ITPR2: variants seen among roughly 807,000 people sequenced by gnomAD.
ITPR2 encodes inositol 1,4,5-trisphosphate-gated calcium channel ITPR2.
Under a neutral mutation model 317.1 loss-of-function variants are expected in ITPR2, and 207 were observed. The ratio of observed to expected loss-of-function variants is 0.65; its 90% CI spans 0.58 to 0.73. ITPR2 has a LOEUF of 0.73. Ranked by LOEUF, ITPR2 falls within the 30% of genes least tolerant of loss-of-function variation. ITPR2 has a pLI of 0.00. For missense variants in ITPR2, 2,613 were observed against 3,284.0 expected, an observed-to-expected ratio of 0.80 and a Z score of 4.99; for synonymous variants, 1,156 against 1,149.1, an observed-to-expected ratio of 1.01 and a Z score of -0.12.
chr12:26,464,780 C>T (rs958937253), intron 45 of ITPR2, among the ~76,000 whole-genome samples: 1 of 152,152 alleles, frequency 6.6e-6, no homozygotes, highest in Non-Finnish European at 1.5e-5. Flanking sequence ...ATGATCACAG[C>T]AGGCGTGGTG....
chr12:26,793,952 A>C (rs531837842), intron 1 of ITPR2, among the ~76,000 whole-genome samples: 1 of 152,290 alleles, frequency 6.6e-6, no homozygotes, highest in East Asian at 1.9e-4. Flanking sequence ...GGCTACATTT[A>C]TTTTTCTTAG....
At chr12:26,807,201 AAAG>A (rs1288164095) in intron 1 of ITPR2, among the ~76,000 whole-genome samples, 1 of 145,640 alleles carries the variant, frequency 6.9e-6, no homozygotes, top group African/African-American at 2.4e-5. Context: ...AAAAAACAAA[AAAG>A]AAGATATATA....
At chr12:26,386,652 T>C (rs1939671628) in intron 55 of ITPR2, among the ~76,000 whole-genome samples, 1 of 145,716 alleles carries the variant, frequency 6.9e-6, no homozygotes, top group African/African-American at 2.5e-5. Context: ...TGAACACAAT[T>C]TTGTCAGATT....
chr12:26,773,981 A>AT (rs34106132), intron 2 of ITPR2, among the ~76,000 whole-genome samples: 4,597 of 91,372 alleles, frequency 0.05, 374 homozygotes, highest in African/African-American at 0.076. Context: ...CAACTGGAGA[A>AT]TTTTTTTTTT....
intron 49 of ITPR2, among the ~76,000 whole-genome samples, chr12:26,422,437 G>C (rs941983567): frequency 1.3e-5 from 2 of 152,084 alleles, no homozygotes; most frequent in South Asian, 2.1e-4. Flanking sequence ...TAACAGTACA[G>C]TGTAGCAGAA....
intron 34 of ITPR2, among the ~76,000 whole-genome samples, chr12:26,578,174 TTCTC>T (rs140732351): frequency 3.7e-4 from 54 of 147,022 alleles, no homozygotes; most frequent in African/African-American, 1.1e-3. Flanking sequence ...CTTATTAACT[TTCTC>T]TCTCTCTCTC....
chr12:26,747,878 T>C (rs990598197), intron 2 of ITPR2, among the ~76,000 whole-genome samples: 3 of 152,226 alleles, frequency 2.0e-5, no homozygotes, highest in Admixed American at 6.5e-5. Context: ...CAGATTTCTA[T>C]TTGAGACAAA....
chr12:26,832,604 G>T, intron 1 of ITPR2, 86 bp downstream of exon 1: 1 of 1,020,642 alleles, frequency 9.8e-7, no homozygotes, highest in African/African-American at 1.7e-5. Context: ...GCGCGGCAGC[G>T]GGAGGACCGG....
intron 46 of ITPR2, among the ~76,000 whole-genome samples, chr12:26,441,172 T>C (rs1201551757): frequency 6.6e-6 from 1 of 152,122 alleles, no homozygotes; most frequent in Non-Finnish European, 1.5e-5. Flanking sequence ...TTCTAATTAC[T>C]AGACATTCAA....
intron 26 of ITPR2, among the ~76,000 whole-genome samples, chr12:26,613,771 G>C (rs926091988): frequency 3.9e-5 from 6 of 152,070 alleles, no homozygotes; most frequent in African/African-American, 1.4e-4. Flanking sequence ...CAAAAGAGGG[G>C]AAAAAATTCT....
chr12:26,725,874 G>A (rs935203947), intron 2 of ITPR2, 109 bp from the exon 3 acceptor site: 12 of 695,958 alleles, frequency 1.7e-5, no homozygotes, highest in Non-Finnish European at 2.5e-5. Flanking sequence ...ATACAGAACA[G>A]TTAAAAGTCA....
intron 55 of ITPR2, among the ~76,000 whole-genome samples, chr12:26,370,982 T>A (rs1408957353): frequency 6.6e-6 from 1 of 152,058 alleles, no homozygotes; most frequent in East Asian, 1.9e-4. Flanking sequence ...CAAACACGAG[T>A]CTTATGTATG....
At chr12:26,340,499 G>C (rs1002290466) in intron 55 of ITPR2, among the ~76,000 whole-genome samples, 171 bp from the exon 56 acceptor site, 1 of 152,188 alleles carries the variant, frequency 6.6e-6, no homozygotes, top group Non-Finnish European at 1.5e-5. Context: ...GGTCTTCACG[G>C]GCTGGGGGAA....
chr12:26,771,126 C>T (rs1949833576), intron 2 of ITPR2, among the ~76,000 whole-genome samples: 1 of 152,102 alleles, frequency 6.6e-6, no homozygotes, highest in Non-Finnish European at 1.5e-5. Context: ...TTGCATAGAC[C>T]ATTTTTCCTA....
chr12:26,511,769 G>C (rs1375399987), intron 37 of ITPR2, among the ~76,000 whole-genome samples: 1 of 152,188 alleles, frequency 6.6e-6, no homozygotes, highest in Non-Finnish European at 1.5e-5. Context: ...GACCACGTTT[G>C]GGACATGCGT....
At position 26,357,700 on chromosome 12, in the gene ITPR2, G is replaced by A. The variant is rs1258830256; in HGVS notation, c.7858-17372C>T. ...GGAGATCATGCTTTCTAACTTGTGC[G>A]GTCTGCACTAAGCCTGAGTGGGCAG... On this transcript the variant is annotated intron_variant, in intron 55 of 56. Transcript: ENST00000381340. 3.9e-5 allele frequency among the ~76,000 whole-genome samples: 6 copies of A among 152,204 alleles called. No individual in the cohort carries two copies. In the East Asian group the frequency reaches 5.8e-4, roughly 15 times the overall value.
At chr12:26,533,423 G>A (rs997196041) in intron 37 of ITPR2, among the ~76,000 whole-genome samples, 1 of 152,152 alleles carries the variant, frequency 6.6e-6, no homozygotes, top group Admixed American at 6.5e-5. Flanking sequence ...GGTGCATTTT[G>A]GCTGCTGTCA....
intron 28 of ITPR2, among the ~76,000 whole-genome samples, chr12:26,600,671 T>C (rs1379346476): frequency 1.3e-5 from 2 of 151,990 alleles, no homozygotes; most frequent in Admixed American, 6.6e-5. Flanking sequence ...TCCTACTCTT[T>C]CTCCCACATC....
At chr12:26,628,312 C>G in intron 22 of ITPR2, 150 bp from the exon 23 acceptor site, 1 of 571,762 alleles carries the variant, frequency 1.7e-6, no homozygotes, top group Non-Finnish European at 3.0e-6. Context: ...TGTTTGTCAG[C>G]AATGACTAAG....
Sources: allele counts gnomAD v4.1 joint callset (sites outside exome capture counted in the v4.1 genomes callset), GRCh38; gene constraint gnomAD v4.1.1; transcripts MANE v1.5; gene names NCBI Gene and HGNC (gene_info 2026-07-23, HGNC 2026-07-21).